Variants in SOX5 observed in about 807,000 individuals in gnomAD.
SOX5 encodes the protein SRY-box transcription factor 5, also known as transcription factor SOX-5.
SOX5 carries 9 observed loss-of-function variants against 92.0 expected under a neutral mutation model. The ratio of observed to expected loss-of-function variants is 0.10; its 90% CI spans 0.06 to 0.17. SOX5 has a LOEUF of 0.17. SOX5 is among the 10% of genes least tolerant of loss of function. The pLI is 1.00. For synonymous variants in SOX5, 344 were observed against 336.3 expected (o/e 1.02, Z -0.25); for missense variants, 642 against 944.5 (o/e 0.68, Z 4.20).
Position 23,846,177 on chromosome 12 carries a change from T to C in SOX5, c.287A>G (p.Lys96Arg). Residue 96 changes from lysine (K) to arginine (R), a missense_variant, in exon 3 of 15, where the codon AAA (lysine) becomes AGA (arginine). This residue lies in a region of SOX5 where 113 missense variants were observed against 117.7 expected (regional missense o/e 0.96). Transcript: ENST00000451604. The part of the protein sequence containing the change: ...QHNTMEVDGN[K>R]VMSSFAPHNS... ...GTGTGGGGCAAATGAAGACATAACT[T>C]TATTGCCATCAACTTCCTGAAAGAG... is the stretch of plus-strand genomic sequence containing the variant. 1 of 1,613,796 alleles carries C rather than the reference T, an allele frequency of 6.2e-7. No homozygotes were observed. Among genetic ancestry groups the C allele is most frequent in the Non-Finnish European group, 8.5e-7 (1 of 1,179,718 alleles).
chr12:24,388,232 G>C (rs912427307), intron 1 of SOX5, among the ~76,000 whole-genome samples: 12 of 152,116 alleles, frequency 7.9e-5, no homozygotes, highest in African/African-American at 2.9e-4. Context: ...CAGTTTTGGA[G>C]TGACACAAAG....
At chr12:24,063,339 T>G (rs1270462563) in intron 4 of SOX5, among the ~76,000 whole-genome samples, 2 of 152,196 alleles carry the variant, frequency 1.3e-5, no homozygotes, top group African/African-American at 4.8e-5. Flanking sequence ...ATTGAATGAA[T>G]GAACAGATAG....
At chr12:23,777,256 G>T (rs1051275401) in intron 3 of SOX5, among the ~76,000 whole-genome samples, 2 of 152,194 alleles carry the variant, frequency 1.3e-5, no homozygotes, top group African/African-American at 4.8e-5. Context: ...TACAGTAAAA[G>T]AAATGATAAA....
At chr12:24,538,155 A>G (rs1206679563) in intron 1 of SOX5, among the ~76,000 whole-genome samples, 1 of 152,214 alleles carries the variant, frequency 6.6e-6, no homozygotes, top group Admixed American at 6.5e-5. Context: ...AAAGGCTCCC[A>G]GGGATCTCTC....
At chr12:24,315,169 T>C (rs1326622201) in intron 2 of SOX5, among the ~76,000 whole-genome samples, 1 of 152,214 alleles carries the variant, frequency 6.6e-6, no homozygotes, top group Non-Finnish European at 1.5e-5. Context: ...ACTTTTTCAA[T>C]CTTTCTTTTA....
At chr12:23,626,180 A>G (rs772863667) in intron 8 of SOX5, among the ~76,000 whole-genome samples, 1 of 152,290 alleles carries the variant, frequency 6.6e-6, no homozygotes, top group Non-Finnish European at 1.5e-5. Context: ...GGAAATTCCT[A>G]TTTTTAAATC....
chr12:23,977,217 G>A (rs1188459294), intron 4 of SOX5, among the ~76,000 whole-genome samples: 1 of 152,086 alleles, frequency 6.6e-6, no homozygotes. Flanking sequence ...CCACAATACA[G>A]GAGAAGTTTC....
At chr12:24,279,724 T>TA (rs1449506314) in intron 2 of SOX5, among the ~76,000 whole-genome samples, 2 of 152,098 alleles carry the variant, frequency 1.3e-5, no homozygotes, top group Non-Finnish European at 2.9e-5. Context: ...TTTGTAAAAA[T>TA]AAAACGAATT....
At chr12:24,488,454 G>A (rs1946737281) in intron 1 of SOX5, among the ~76,000 whole-genome samples, 1 of 152,114 alleles carries the variant, frequency 6.6e-6, no homozygotes, top group African/African-American at 2.4e-5. Flanking sequence ...GTGTGGTGGT[G>A]TGTGCCTGTA....
intron 1 of SOX5, among the ~76,000 whole-genome samples, chr12:24,534,826 C>T (rs963644136): frequency 6.6e-6 from 1 of 152,192 alleles, no homozygotes; most frequent in African/African-American, 2.4e-5. Flanking sequence ...GGGTGGGAAA[C>T]GGGCATTCTG....
In SOX5 at chr12:24,486,895, T is replaced by C. The variant is rs190980454; in HGVS notation, c.-251+75434A>G. ...ATCTCCATGTGTGTAGACTTGATGTTGATCCCAGTAGCAACTCCCCCCAGC... is the reference window on the plus strand; with the variant it reads ...ATCTCCATGTGTGTAGACTTGATGTCGATCCCAGTAGCAACTCCCCCCAGC... On this transcript the variant is annotated intron_variant, in intron 1 of 4. Transcript: ENST00000446891. Among the ~76,000 whole-genome samples, 4 of 152,250 alleles carry C rather than the reference T, an allele frequency of 2.6e-5. No individual in the cohort carries two copies. The East Asian group carries it at 7.7e-4, about 29-fold the overall frequency.
chr12:23,904,965 T>C (rs554601502), intron 1 of SOX5, among the ~76,000 whole-genome samples: 1 of 152,112 alleles, frequency 6.6e-6, no homozygotes, highest in African/African-American at 2.4e-5. Context: ...AATGTAAAGG[T>C]ACAAGGTTCT....
At chr12:23,618,244 G>C (rs181708055) in intron 8 of SOX5, among the ~76,000 whole-genome samples, 35 of 152,216 alleles carry the variant, frequency 2.3e-4, no homozygotes, top group Non-Finnish European at 1.9e-4. Context: ...GAAGAGAAAT[G>C]CTTGTTCATC....
chr12:23,877,675 A>G (rs1230601702), intron 2 of SOX5, among the ~76,000 whole-genome samples: 1 of 152,134 alleles, frequency 6.6e-6, no homozygotes, highest in Non-Finnish European at 1.5e-5. Context: ...TTCCATATGG[A>G]GTGTGAATAC....
intron 2 of SOX5, among the ~76,000 whole-genome samples, chr12:23,877,774 T>C (rs1379244696): frequency 6.6e-6 from 1 of 152,092 alleles, no homozygotes; most frequent in African/African-American, 2.4e-5. Flanking sequence ...GTGTATTCTT[T>C]GGAACAAAAT....
At chr12:24,457,408 A>G (rs1018127882) in intron 1 of SOX5, among the ~76,000 whole-genome samples, 1 of 152,210 alleles carries the variant, frequency 6.6e-6, no homozygotes, top group Non-Finnish European at 1.5e-5. Flanking sequence ...AGTTTCCAAC[A>G]ATGGTTGTTG....
chr12:24,347,630 TG>T (rs1422440183), intron 2 of SOX5, among the ~76,000 whole-genome samples: 1 of 152,182 alleles, frequency 6.6e-6, no homozygotes, highest in Non-Finnish European at 1.5e-5. Flanking sequence ...CGATAAAATA[TG>T]TTTGAATTTA....
chr12:23,757,794 A>G (rs1025866307), intron 3 of SOX5, among the ~76,000 whole-genome samples: 10 of 152,040 alleles, frequency 6.6e-5, no homozygotes, highest in African/African-American at 2.4e-4. Context: ...AAAGTCCATG[A>G]CAAAGCTTTT....
chr12:23,803,483 CA>C (rs2142212425), intron 3 of SOX5, among the ~76,000 whole-genome samples: 1 of 152,240 alleles, frequency 6.6e-6, no homozygotes, highest in East Asian at 1.9e-4. Flanking sequence ...TTTGTAAAGC[CA>C]AAAACCCCAT....
Sources: allele counts gnomAD v4.1 joint callset (sites outside exome capture counted in the v4.1 genomes callset), GRCh38; gene constraint gnomAD v4.1.1; regional missense constraint gnomAD v4.1.1; transcripts MANE v1.5; gene names NCBI Gene and HGNC (gene_info 2026-07-23, HGNC 2026-07-21).